Variants in CACNA1C observed in about 807,000 individuals in gnomAD.
CACNA1C encodes calcium voltage-gated channel subunit alpha1 C.
In CACNA1C, 30 loss-of-function variants were observed where a neutral mutation model predicts 229.0. That is an observed-to-expected ratio of 0.13 (90% CI 0.10 to 0.18). CACNA1C has a LOEUF of 0.18. Ranked by LOEUF, CACNA1C falls within the 10% of genes least tolerant of loss-of-function variation. The pLI, the probability that CACNA1C is intolerant of heterozygous loss-of-function variation, is 1.00. For missense variants in CACNA1C, 1,658 were observed against 2,845.0 expected (o/e 0.58, Z 9.49); for synonymous variants, 1,114 against 1,132.5 (o/e 0.98, Z 0.33).
Position 2,053,549 on chromosome 12 carries a change from A to T in CACNA1C, c.-14A>T. On this transcript the variant is annotated 5_prime_UTR_variant, in exon 1 of 47. Transcript: ENST00000399655. The surrounding 1 kb of genome is among the most constrained non-coding windows in gnomAD (Gnocchi z 5.8). ...CTTCGTGGCTGCTCCTCCTATTAAA[A>T]CCATTTTTGGTCCATGGTCAATGAG... The T allele has an allele frequency of 1.3e-6, 2 of 1,585,816 alleles. No individual in the cohort carries two copies. Among genetic ancestry groups the T allele is most frequent in the Non-Finnish European group, 1.7e-6 (2 of 1,166,146 alleles).
At chr12:2,596,554 G>T (rs752302727) in intron 20 of CACNA1C, among the ~76,000 whole-genome samples, 1 of 152,210 alleles carries the variant, frequency 6.6e-6, no homozygotes, top group East Asian at 1.9e-4. Flanking sequence ...AAGACAGCCC[G>T]CTGATCTAAA....
intron 3 of CACNA1C, among the ~76,000 whole-genome samples, chr12:2,187,693 A>G (rs2097085643): frequency 6.6e-6 from 1 of 152,244 alleles, no homozygotes; most frequent in Admixed American, 6.5e-5. Flanking sequence ...GTAGCCAAGG[A>G]AGCAGGGTGG....
At chr12:2,453,579 G>C (rs1386656053) in intron 4 of CACNA1C, among the ~76,000 whole-genome samples, 2 of 152,050 alleles carry the variant, frequency 1.3e-5, no homozygotes, top group East Asian at 1.9e-4. Context: ...GCCACGAAAA[G>C]CCCAAAATTA....
At chr12:2,600,806 T>C (rs2071664284) in intron 21 of CACNA1C, among the ~76,000 whole-genome samples, 1 of 152,314 alleles carries the variant, frequency 6.6e-6, no homozygotes, top group East Asian at 1.9e-4. Context: ...ACAGAACTTT[T>C]CTCATCCAGG....
chr12:2,259,249 G>A (rs1211557099), intron 3 of CACNA1C, among the ~76,000 whole-genome samples: 1 of 152,156 alleles, frequency 6.6e-6, no homozygotes, highest in African/African-American at 2.4e-5. Flanking sequence ...TGCCCCACAC[G>A]GGACCCAGCA....
At chr12:2,104,336 G>A (rs985320416) in intron 1 of CACNA1C, among the ~76,000 whole-genome samples, 12 of 152,036 alleles carry the variant, frequency 7.9e-5, no homozygotes, top group Non-Finnish European at 1.3e-4. Flanking sequence ...CTTTGTTGCA[G>A]TTGTGAATGG....
chr12:2,042,558 G>T (rs1441608180), intron 1 of CACNA1C, among the ~76,000 whole-genome samples: 1 of 152,100 alleles, frequency 6.6e-6, no homozygotes, highest in Non-Finnish European at 1.5e-5. Context: ...TCCTTGTCTG[G>T]GCACCAGTAT....
At chr12:2,358,289 G>C (rs768701410) in intron 3 of CACNA1C, among the ~76,000 whole-genome samples, 7,378 of 145,492 alleles carry the variant, frequency 0.051, 305 homozygotes, top group East Asian at 0.13. Context: ...GTGTGTGTGT[G>C]TGTGTGTGTG....
intron 1 of CACNA1C, among the ~76,000 whole-genome samples, chr12:2,114,827 A>G (rs2083197398): frequency 6.6e-6 from 1 of 152,094 alleles, no homozygotes; most frequent in South Asian, 2.1e-4. Flanking sequence ...CCTTCCTTAA[A>G]CAATCATTCT....
chr12:2,653,400 G>A lies in CACNA1C; in HGVS notation c.4075-435G>A, dbSNP rs560037673. Among the ~76,000 whole-genome samples, 5 of 152,158 alleles carry A rather than the reference G, an allele frequency of 3.3e-5. No individual in the cohort carries two copies. Among genetic ancestry groups the A allele is most frequent in the East Asian group, 3.9e-4 (2 of 5,170 alleles). On this transcript the variant is annotated intron_variant, in intron 32 of 46. Transcript: ENST00000399655. The surrounding 1 kb of genome is among the most constrained non-coding windows in gnomAD (Gnocchi z 4.7). Reference sequence around the variant, plus strand: ...TGTTTCCATTGCAATAGTAATACCCGCTCACTACAACTAGTGGGATGGAAT... The same window carrying A: ...TGTTTCCATTGCAATAGTAATACCCACTCACTACAACTAGTGGGATGGAAT...
At chr12:2,065,493 G>C (rs1229936891) in intron 1 of CACNA1C, among the ~76,000 whole-genome samples, 1 of 144,692 alleles carries the variant, frequency 6.9e-6, no homozygotes, top group Non-Finnish European at 1.5e-5. Flanking sequence ...TTTGCTTATA[G>C]GATCTCTGGA....
Position 2,029,738 on chromosome 12 carries a change from T to C in CACNA1C, c.139+58537T>C, listed in dbSNP as rs10848605. ...TCTTTCCACCCCACAACTTGGTCAT[T>C]AGTAAGGGGCTAACACTGTGGTTCT... is the stretch of plus-strand genomic sequence containing the variant. On this transcript the variant is annotated intron_variant, in intron 1 of 46. Coordinates refer to the CACNA1C transcript ENST00000682462. This position sits in a 1 kb window ranked among gnomAD's most constrained non-coding sequence, Gnocchi z 4.9. 0.28 allele frequency among the ~76,000 whole-genome samples: 42,924 copies of C among 152,094 alleles called. 6,458 individuals are homozygous for C. Among genetic ancestry groups the C allele is most frequent in the African/African-American group, 0.36 (14,830 of 41,484 alleles).
chr12:2,612,049 T>C, intron 29 of CACNA1C, 36 bp downstream of exon 29: 1 of 1,270,916 alleles, frequency 7.9e-7, no homozygotes, highest in Non-Finnish European at 1.2e-6. Flanking sequence ...TTCCCAGGCA[T>C]CAGGGGTGGA....
rs1473082630 is a variant in CACNA1C at position 2,053,247 on chromosome 12, G to T, written c.-316G>T. 18 of 1,051,306 alleles carry T rather than the reference G, an allele frequency of 1.7e-5. No individual in the cohort carries two copies. The highest frequency in any genetic ancestry group is 1.9e-5 in the Non-Finnish European group (17 of 872,956). The allele number at this position is 1,051,306 out of a possible 1,614,324, so 65.1% of individuals were successfully genotyped here. A position where few individuals can be genotyped will look rare whatever the true frequency, so the allele number is the denominator to read the frequency against. ...CGCCTCTTCTCGCCCTGCCTCTCCCGATTTATTTTTTCAAATGGTGTAGCC... is the reference window on the plus strand; with the variant it reads ...CGCCTCTTCTCGCCCTGCCTCTCCCTATTTATTTTTTCAAATGGTGTAGCC... On this transcript the variant is annotated 5_prime_UTR_variant, in exon 1 of 47. Transcript: ENST00000399655. This position sits in a 1 kb window ranked among gnomAD's most constrained non-coding sequence, Gnocchi z 5.8.
chr12:2,010,842 A>G (rs2044272488), intron 1 of CACNA1C: 1 of 152,150 alleles, frequency 6.6e-6, no homozygotes, highest in Admixed American at 6.6e-5. Flanking sequence ...CAGGGAGAAA[A>G]AGATGTTAAG....
At position 2,341,750 on chromosome 12, in the gene CACNA1C, C is replaced by T. The variant is rs538966749; in HGVS notation, c.478-107226C>T. ...CTGGAACTAGTACGAGCACGTGTGA[C>T]GGACCCTCATTCAGGGGTAACTGAC... On this transcript the variant is annotated intron_variant, in intron 3 of 46. Transcript: ENST00000399655. 1.6e-4 allele frequency among the ~76,000 whole-genome samples: 25 copies of T among 152,330 alleles called. No individual in the cohort carries two copies. In the South Asian group the frequency reaches 3.1e-3, roughly 19 times the overall value.
intron 1 of CACNA1C, among the ~76,000 whole-genome samples, chr12:2,107,519 C>G (rs1309796304): frequency 6.6e-6 from 1 of 151,894 alleles, no homozygotes; most frequent in Non-Finnish European, 1.5e-5. Context: ...TGGGTGCTCA[C>G]CCTGGAGAGG....
At chr12:2,274,191 C>T (rs2086599645) in intron 3 of CACNA1C, among the ~76,000 whole-genome samples, 1 of 152,170 alleles carries the variant, frequency 6.6e-6, no homozygotes, top group South Asian at 2.1e-4. Context: ...CTAAGCTGGA[C>T]GTCCAGCAGT....
intron 10 of CACNA1C, among the ~76,000 whole-genome samples, chr12:2,556,043 C>G (rs2044061966): frequency 6.6e-6 from 1 of 152,210 alleles, no homozygotes; most frequent in African/African-American, 2.4e-5. Context: ...CCTGCACTAT[C>G]CCCAGCGTTC....
Sources: gnomAD v4.1 joint callset for allele counts (sites outside exome capture counted in the v4.1 genomes callset) on GRCh38, gnomAD v4.1.1 for gene constraint, Gnocchi (gnomAD v3.1) non-coding constraint, MANE v1.5 for transcripts, NCBI Gene and HGNC (gene_info 2026-07-23, HGNC 2026-07-21) for gene names.